CREB1: variants seen among roughly 807,000 people sequenced by gnomAD.
CREB1 encodes cyclic AMP-responsive element-binding protein 1.
In CREB1, 2 loss-of-function variants were observed where a neutral mutation model predicts 42.0. The observed-to-expected ratio is 0.05, with a 90% CI of 0.02 to 0.15. CREB1 has a LOEUF of 0.15. CREB1 is among the 10% of genes least tolerant of loss of function. The pLI is 1.00. For missense variants in CREB1, 199 were observed against 388.9 expected, an observed-to-expected ratio of 0.51 and a Z score of 4.11; for synonymous variants, 123 against 139.9, an observed-to-expected ratio of 0.88 and a Z score of 0.85.
rs922711379 is a variant in CREB1 at position 207,598,407 on chromosome 2, T to G, written c.*1349T>G. 2 of 182,584 alleles carry G rather than the reference T, an allele frequency of 1.1e-5. No homozygotes were observed. The highest frequency in any genetic ancestry group is 6.3e-5 in the Admixed American group (1 of 15,974). 11.3% of individuals were successfully genotyped at this position (182,584 alleles called of 1,614,324 possible). A position where few individuals can be genotyped will look rare whatever the true frequency, so the allele number is the denominator to read the frequency against. The stretch of plus-strand genomic sequence containing the variant: ...GATTAAAACAGTCTGTATTTGTGTA[T>G]ATCATACATTGTTTTCAATACCACT... On this transcript the variant is annotated 3_prime_UTR_variant, in exon 8 of 8. Transcript: ENST00000353267.
chr2:207,554,605 C>G (rs1182826887), intron 1 of CREB1, among the ~76,000 whole-genome samples: 1 of 152,154 alleles, frequency 6.6e-6, no homozygotes, highest in Admixed American at 6.5e-5. Flanking sequence ...TTTACAGTAG[C>G]TACTGCTGGT....
chr2:207,591,877 A>T (rs753039655), intron 7 of CREB1, among the ~76,000 whole-genome samples: 1 of 152,216 alleles, frequency 6.6e-6, no homozygotes, highest in Non-Finnish European at 1.5e-5. Flanking sequence ...GGTTTAGATC[A>T]GGGATTGGCA....
At chr2:207,585,197 C>T (rs892497514) in intron 7 of CREB1, among the ~76,000 whole-genome samples, 2 of 152,200 alleles carry the variant, frequency 1.3e-5, no homozygotes, top group Non-Finnish European at 2.9e-5. Context: ...ACCGTAAAGG[C>T]CTTTGTGTCC....
chr2:207,593,210 T>C (rs1275280182), intron 7 of CREB1, among the ~76,000 whole-genome samples: 2 of 152,160 alleles, frequency 1.3e-5, no homozygotes, highest in Non-Finnish European at 2.9e-5. Context: ...ATTAGAGCCT[T>C]TAACATGTTA....
chr2:207,555,631 A>G lies in CREB1; in HGVS notation c.-5A>G. On this transcript the variant is annotated 5_prime_UTR_variant, in exon 2 of 8. Coordinates refer to ENST00000353267, the MANE Select transcript of CREB1 (RefSeq NM_004379.5). Reference sequence around the variant, plus strand: ...ACACTCTTCCATATTATTATAGGTAACTAAATGACCATGGAATCTGGAGCC... The same window carrying G: ...ACACTCTTCCATATTATTATAGGTAGCTAAATGACCATGGAATCTGGAGCC... 6.3e-7 allele frequency: 1 copy of G among 1,594,788 alleles called. No homozygotes were observed. The highest frequency in any genetic ancestry group is 8.6e-7 in the Non-Finnish European group (1 of 1,163,312).
intron 2 of CREB1, among the ~76,000 whole-genome samples, 187 bp from the exon 3 acceptor site, chr2:207,560,039 G>A (rs1193999201): frequency 1.3e-5 from 2 of 152,286 alleles, no homozygotes; most frequent in Middle Eastern, 3.4e-3. Flanking sequence ...TAGGGGTATA[G>A]TTTTTGGTGT....
At chr2:207,562,271 C>T (rs958334009) in intron 3 of CREB1, among the ~76,000 whole-genome samples, 1 of 152,154 alleles carries the variant, frequency 6.6e-6, no homozygotes, top group African/African-American at 2.4e-5. Context: ...GCCTTGGGCA[C>T]ATCTACCTTT....
chr2:207,561,615 C>T (rs915230749), intron 3 of CREB1, among the ~76,000 whole-genome samples: 13 of 152,162 alleles, frequency 8.5e-5, no homozygotes, highest in Non-Finnish European at 1.8e-4. Context: ...CGCACCCTTC[C>T]TATTTTTAAG....
At chr2:207,561,282 CAG>C (rs1163213747) in intron 3 of CREB1, 1 of 822,168 alleles carries the variant, frequency 1.2e-6, no homozygotes, top group African/African-American at 1.7e-5. Flanking sequence ...ACAAAAACCT[CAG>C]AGATCTTCTG....
chr2:207,577,759 AT>A (rs572422338), intron 7 of CREB1, 104 bp downstream of exon 7: 1,042 of 1,347,896 alleles, frequency 7.7e-4, no homozygotes, highest in South Asian at 1.6e-3. Flanking sequence ...TTTGCATTGA[AT>A]TTTTTTTTTC....
intron 1 of CREB1, among the ~76,000 whole-genome samples, chr2:207,547,767 A>G (rs1429771941): frequency 6.6e-6 from 1 of 152,154 alleles, no homozygotes; most frequent in Non-Finnish European, 1.5e-5. Context: ...GTCTTACCTG[A>G]AGGAAAACAA....
At chr2:207,551,910 C>T (rs1346847193) in intron 1 of CREB1, among the ~76,000 whole-genome samples, 4 of 151,538 alleles carry the variant, frequency 2.6e-5, no homozygotes, top group African/African-American at 7.3e-5. Context: ...GGCATGGTGG[C>T]GGGTGCCTGT....
chr2:207,577,106 C>A, intron 6 of CREB1: 5 of 974,724 alleles, frequency 5.1e-6, no homozygotes, highest in Non-Finnish European at 6.1e-6. Flanking sequence ...TATGTCGTGG[C>A]AAGAGTCTAC....
chr2:207,561,603 C>G (rs990159341), intron 3 of CREB1, among the ~76,000 whole-genome samples: 15 of 152,116 alleles, frequency 9.9e-5, no homozygotes, highest in Non-Finnish European at 5.9e-5. Context: ...TTCCCCATCC[C>G]CCGCACCCTT....
chr2:207,549,717 C>G (rs1034470661), intron 1 of CREB1, among the ~76,000 whole-genome samples: 2 of 152,054 alleles, frequency 1.3e-5, no homozygotes, highest in African/African-American at 4.8e-5. Context: ...ATTAGACGAG[C>G]TCACACCTGT....
chr2:207,581,780 G>GT (rs1372690134), intron 7 of CREB1: 3 of 684,536 alleles, frequency 4.4e-6, no homozygotes, highest in African/African-American at 1.8e-5. Flanking sequence ...TATTTCCCCA[G>GT]TTTTTTTACT....
chr2:207,546,327 A>G (rs912839750), intron 1 of CREB1, among the ~76,000 whole-genome samples: 5 of 152,248 alleles, frequency 3.3e-5, no homozygotes, highest in South Asian at 2.1e-4. Context: ...AAAACCGTAC[A>G]TAAAGCAAAA....
Position 207,597,321 on chromosome 2 carries a change from CAAG to C in CREB1, c.*267_*269del. 3 of 362,938 alleles carry C rather than the reference CAAG, an allele frequency of 8.3e-6. No individual in the cohort carries two copies. The South Asian group carries it at 2.0e-4, about 24-fold the overall frequency. The allele number at this position is 362,938 out of a possible 1,614,324, so 22.5% of individuals were successfully genotyped here. ...TCTGCTTTTCAACCCCCACCCTCCT[CAAG>C]AAGTAATAATTTGTTTACTTGTAAA... On this transcript the variant is annotated 3_prime_UTR_variant, in exon 8 of 8. Transcript: ENST00000353267.
chr2:207,583,587 CA>C (rs2106633976), intron 7 of CREB1, among the ~76,000 whole-genome samples: 1 of 152,288 alleles, frequency 6.6e-6, no homozygotes. Flanking sequence ...CCACCCCTTT[CA>C]ATGAGGTTAT....
Sources: allele counts gnomAD v4.1 joint callset (sites outside exome capture counted in the v4.1 genomes callset), GRCh38; gene constraint gnomAD v4.1.1; transcripts MANE v1.5; gene names NCBI Gene and HGNC (gene_info 2026-07-23, HGNC 2026-07-21).